CA4: variants seen among roughly 807,000 people sequenced by gnomAD.
The protein encoded by CA4 is carbonic anhydrase 4.
In CA4, 24 loss-of-function variants were observed where a neutral mutation model predicts 34.5. The ratio of observed to expected loss-of-function variants is 0.70; its 90% CI spans 0.50 to 0.98. CA4 has a LOEUF of 0.98. CA4 is among the 50% of genes least tolerant of loss of function. CA4 has a pLI of 0.00. For missense variants in CA4, 394 were observed against 396.7 expected (o/e 0.99, Z 0.06); for synonymous variants, 178 against 170.6 (o/e 1.04, Z -0.34).
downstream of CA4, among the ~76,000 whole-genome samples, chr17:60,175,599 T>C (rs2083954343): frequency 7.3e-6 from 1 of 137,364 alleles, no homozygotes; most frequent in Non-Finnish European, 1.5e-5. Context: ...AACCTAGGAG[T>C]TGGAGTTTGC....
At chr17:60,157,960 C>G (rs2083722242) in intron 5 of CA4, 101 bp from the exon 6 acceptor site, 1 of 1,563,052 alleles carries the variant, frequency 6.4e-7, no homozygotes. Flanking sequence ...AGCCTCAATC[C>G]CAGAAGCTGC....
At chr17:60,167,256 G>A (rs1432068101) in intron 5 of CA4, among the ~76,000 whole-genome samples, 3 of 152,106 alleles carry the variant, frequency 2.0e-5, no homozygotes, top group South Asian at 2.1e-4. Context: ...TGCAGAAATC[G>A]CCAGGCCAGT....
chr17:60,177,413 T>C, the CA4 span, among the ~76,000 whole-genome samples: 1 of 152,254 alleles, frequency 6.6e-6, no homozygotes, highest in Non-Finnish European at 1.5e-5. Context: ...ACAAGTTTTA[T>C]ACAGTAATTT....
intron 5 of CA4, among the ~76,000 whole-genome samples, chr17:60,165,848 G>A (rs1434207903): frequency 2.1e-5 from 3 of 144,954 alleles, no homozygotes; most frequent in Non-Finnish European, 3.0e-5. Flanking sequence ...TTTTTTTTTA[G>A]TATATCCCTA....
At chr17:60,165,694 T>C (rs566849466) in intron 5 of CA4, among the ~76,000 whole-genome samples, 1 of 152,088 alleles carries the variant, frequency 6.6e-6, no homozygotes, top group East Asian at 1.9e-4. Context: ...CTGTGTAGAG[T>C]TGCTGCAGGC....
At chr17:60,175,321 C>CA (rs1164760436), downstream of CA4, among the ~76,000 whole-genome samples, 8 of 151,518 alleles carry the variant, frequency 5.3e-5, no homozygotes, top group African/African-American at 1.9e-4. Flanking sequence ...GTAATCCCTG[C>CA]ACTTTGGGAA....
intron 2 of CA4, among the ~76,000 whole-genome samples, chr17:60,155,641 C>A (rs1308415366): frequency 6.6e-6 from 1 of 151,190 alleles, no homozygotes; most frequent in Non-Finnish European, 1.5e-5. Context: ...CTCACACATG[C>A]ACACACACAC....
At chr17:60,164,869 G>C (rs892696951) in intron 5 of CA4, among the ~76,000 whole-genome samples, 13 of 152,022 alleles carry the variant, frequency 8.6e-5, no homozygotes, top group Non-Finnish European at 1.5e-4. Flanking sequence ...AAACATCCGG[G>C]CATGCAGCCC....
downstream of CA4, among the ~76,000 whole-genome samples, chr17:60,161,416 C>T (rs537429919): frequency 6.6e-6 from 1 of 152,202 alleles, no homozygotes; most frequent in African/African-American, 2.4e-5. Context: ...GAATGGGGCA[C>T]CCAGGTTTCC....
In CA4 at chr17:60,150,237, C is replaced by T. The variant is rs345190; in HGVS notation, c.58+145C>T. ...CGGGTTGCGTGTGCGCCGGGGGCCG[C>T]GAGGGTGCGGGAGGACTGGGCAGCG... On this transcript the variant is annotated intron_variant, in intron 1 of 7. Coordinates refer to ENST00000300900, the MANE Select transcript of CA4 (RefSeq NM_000717.5). 10 of 670,422 alleles carry T rather than the reference C, an allele frequency of 1.5e-5. No homozygotes were observed. The East Asian group carries it at 3.0e-4, about 20-fold the overall frequency. 41.5% of individuals were successfully genotyped at this position (670,422 alleles called of 1,614,324 possible).
Position 60,156,722 on chromosome 17 carries a change from T to C in CA4, c.268+7T>C. The C allele has an allele frequency of 1.2e-6, 2 of 1,613,518 alleles. No homozygotes were observed. Among genetic ancestry groups the C allele is most frequent in the Non-Finnish European group, 1.7e-6 (2 of 1,179,488 alleles). On this transcript the variant is annotated splice_region_variant and intron_variant, in intron 3 of 7. Coordinates refer to ENST00000300900, the MANE Select transcript of CA4 (RefSeq NM_000717.5). ...CAAAATAACGGGCACTCAGGTGGGC[T>C]GGATGGAGGCCCCAGGCAGGCCTGG...
At chr17:60,155,809 C>T (rs1470147539) in intron 2 of CA4, among the ~76,000 whole-genome samples, 1 of 152,176 alleles carries the variant, frequency 6.6e-6, no homozygotes, top group East Asian at 1.9e-4. Flanking sequence ...AAATCGGTAG[C>T]AGCATTAAAG....
At chr17:60,158,514 G>A (rs2083737209) in intron 7 of CA4, 68 bp downstream of exon 7, 1 of 1,510,950 alleles carries the variant, frequency 6.6e-7, no homozygotes, top group Non-Finnish European at 9.1e-7. Context: ...CCCTCTGTCT[G>A]CCCTCAGAGG....
chr17:60,155,518 C>T, intron 2 of CA4, 151 bp downstream of exon 2: 1 of 639,934 alleles, frequency 1.6e-6, no homozygotes, highest in Non-Finnish European at 2.8e-6. Context: ...CACACACACA[C>T]ACACACTCTC....
rs762040943 is a variant in CA4, at chr17:60,156,567, C to G, written c.120C>G (p.Val40=). The G allele has an allele frequency of 2.5e-6, 4 of 1,614,058 alleles. No individual in the cohort carries two copies. The African/African-American group carries it at 4.0e-5, about 16-fold the overall frequency. The change falls in exon 3 of 8, where the codon GTC becomes GTG. Residue 40 remains valine, a synonymous_variant. Transcript: ENST00000300900. ...ESSNYPCLVP[V]KWGGNCQKDR... Reference sequence around the variant, plus strand: ...CCTTCTCTCCCTGCTCAGTGCCAGTCAAGTGGGGTGGAAACTGCCAGAAGG... The same window carrying G: ...CCTTCTCTCCCTGCTCAGTGCCAGTGAAGTGGGGTGGAAACTGCCAGAAGG...
chr17:60,161,516 G>A (rs1044956513), downstream of CA4, among the ~76,000 whole-genome samples: 23 of 152,044 alleles, frequency 1.5e-4, no homozygotes, highest in African/African-American at 5.6e-4. Flanking sequence ...AGGGCACTGA[G>A]GGATTCCATC....
downstream of CA4, among the ~76,000 whole-genome samples, chr17:60,160,590 A>T (rs902949539): frequency 2.0e-5 from 3 of 151,956 alleles, no homozygotes; most frequent in Non-Finnish European, 2.9e-5. Context: ...GTGGCGAAAC[A>T]CCGTCTTTAC....
chr17:60,158,069 C>G lies in CA4; in HGVS notation c.522C>G (p.Thr174=). Residue 174 remains threonine, a synonymous_variant, in exon 6 of 8, where the codon ACC becomes ACG. Transcript: ENST00000300900. ...AVLAFLVEAG[T]QVNEGFQPLV... is the part of the protein sequence containing the mutation. ...CTTCCCTCCCTTTCCAGGCTGGAAC[C>G]CAGGTGAACGAGGGCTTCCAGCCAC... 6.2e-7 allele frequency: 1 copy of G among 1,614,006 alleles called. No individual in the cohort carries two copies. Among genetic ancestry groups the G allele is most frequent in the Admixed American group, 1.7e-5 (1 of 60,016 alleles).
intron 7 of CA4, 91 bp downstream of exon 7, chr17:60,158,537 C>A: frequency 7.5e-7 from 1 of 1,336,232 alleles, no homozygotes; most frequent in Non-Finnish European, 1.0e-6. Flanking sequence ...CCTCAGGATA[C>A]AGGTGGGGAG....
Sources: gnomAD v4.1 joint callset for allele counts (sites outside exome capture counted in the v4.1 genomes callset) on GRCh38, gnomAD v4.1.1 for gene constraint, MANE v1.5 for transcripts, NCBI Gene and HGNC (gene_info 2026-07-23, HGNC 2026-07-21) for gene names.